ZNF480: variants seen among roughly 807,000 people sequenced by gnomAD.
ZNF480 encodes the protein zinc finger protein 480.
Under a neutral mutation model 14.4 loss-of-function variants are expected in ZNF480, and 15 were observed. The observed-to-expected ratio is 1.04, with a 90% confidence interval of 0.70 to 1.60. ZNF480 has a LOEUF of 1.60. Among genes scored for constraint, ZNF480 ranks in the 40% most tolerant of loss-of-function variants. The probability of loss-of-function intolerance (pLI) is 0.00; values close to 1 mark genes in which losing one functional copy is unlikely to be tolerated. For synonymous variants in ZNF480, 218 were observed against 215.5 expected (o/e 1.01, Z -0.10); for missense variants, 593 against 629.7 (o/e 0.94, Z 0.62).
At chr19:52,300,148 AG>A (rs1982615789) in intron 1 of ZNF480, among the ~76,000 whole-genome samples, 1 of 152,210 alleles carries the variant, frequency 6.6e-6, no homozygotes, top group East Asian at 1.9e-4. Context: ...AGCTTAGACC[AG>A]GCCAGCTCCC....
At chr19:52,313,772 A>G (rs552895741) in intron 2 of ZNF480, 74 of 440,174 alleles carry the variant, frequency 1.7e-4, no homozygotes, top group South Asian at 1.2e-3. Flanking sequence ...TGTGGACAAG[A>G]GTTCAAGACC....
chr19:52,313,403 C>T (rs949498010), intron 2 of ZNF480, among the ~76,000 whole-genome samples: 5 of 148,578 alleles, frequency 3.4e-5, no homozygotes, highest in African/African-American at 1.2e-4. Flanking sequence ...CTCCCAAAGT[C>T]CTGGGATTAC....
intron 4 of ZNF480, among the ~76,000 whole-genome samples, 158 bp from the exon 5 acceptor site, chr19:52,321,421 A>T (rs1400415626): frequency 6.6e-6 from 1 of 151,936 alleles, no homozygotes; most frequent in African/African-American, 2.4e-5. Context: ...GCATCACCTT[A>T]CCCTTTTCTA....
chr19:52,314,435 C>T (rs575147541), intron 3 of ZNF480, among the ~76,000 whole-genome samples, 156 bp downstream of exon 3: 1 of 126,184 alleles, frequency 7.9e-6, no homozygotes, highest in East Asian at 2.3e-4. Flanking sequence ...GCCGAGATCA[C>T]GTCATTGCCA....
Position 52,322,739 on chromosome 19 carries a change from C to T in ZNF480, c.1489C>T (p.His497Tyr), listed in dbSNP as rs1157503057. ...TGGCAAGGTCTTCAATCGAATTGCA[C>T]ACCTTGCACGACATCGGAAAATTCA... ...ECGKVFNRIA[H>Y]LARHRKIHTG... Residue 497 changes from histidine (H) to tyrosine (Y), a missense_variant, in exon 5 of 5, where the codon CAC becomes TAC. By Grantham distance (83) the His-to-Tyr change is moderately conservative. Coordinates refer to ENST00000595962, the MANE Select transcript of ZNF480 (RefSeq NM_144684.4). The T allele has an allele frequency of 3.1e-6, 5 of 1,612,340 alleles. No homozygotes were observed. Among genetic ancestry groups the T allele is most frequent in the African/African-American group, 2.7e-5 (2 of 74,738 alleles).
chr19:52,315,114 A>G (rs983394175), intron 3 of ZNF480, among the ~76,000 whole-genome samples: 2 of 151,948 alleles, frequency 1.3e-5, no homozygotes, highest in African/African-American at 4.8e-5. Flanking sequence ...ACGTGCCACC[A>G]CACCTGGCTA....
intron 2 of ZNF480, chr19:52,300,706 G>A: frequency 1.3e-6 from 1 of 743,400 alleles, no homozygotes; most frequent in South Asian, 2.0e-5. Context: ...GTGTAAAGTG[G>A]GATCAGGGGC....
At chr19:52,320,093 A>G (rs1382190402) in intron 4 of ZNF480, among the ~76,000 whole-genome samples, 15 of 151,946 alleles carry the variant, frequency 9.9e-5, no homozygotes, top group Non-Finnish European at 1.9e-4. Flanking sequence ...TGGGATTACA[A>G]GCGTGAGCCA....
chr19:52,318,582 A>T (rs1308471171), intron 4 of ZNF480, among the ~76,000 whole-genome samples: 1 of 152,062 alleles, frequency 6.6e-6, no homozygotes, highest in Non-Finnish European at 1.5e-5. Flanking sequence ...TATCAATTTT[A>T]TATCTGGGGA....
intron 4 of ZNF480, among the ~76,000 whole-genome samples, chr19:52,316,630 G>A (rs1020832970): frequency 2.6e-5 from 4 of 152,188 alleles, no homozygotes; most frequent in South Asian, 2.1e-4. Flanking sequence ...TCTGATTACC[G>A]GCATGAGCCA....
At chr19:52,306,709 C>G (rs781229471) in intron 2 of ZNF480, among the ~76,000 whole-genome samples, 5 of 152,242 alleles carry the variant, frequency 3.3e-5, no homozygotes, top group Middle Eastern at 3.4e-3. Context: ...GGAAAAGGCT[C>G]AAATGTAGCC....
At chr19:52,316,204 CTT>C in intron 4 of ZNF480, among the ~76,000 whole-genome samples, 1 of 149,916 alleles carries the variant, frequency 6.7e-6, no homozygotes, top group African/African-American at 2.5e-5. Context: ...CTCTTTCTTT[CTT>C]TCTTTCTTTC....
Position 52,322,062 on chromosome 19 carries a change from A to G in ZNF480, c.812A>G (p.Asn271Ser), listed in dbSNP as rs1407455247. ...CNVCGKVFSY[N>S]SNFARHQRIH... Reference sequence around the variant, plus strand: ...GTCTGTGGCAAGGTTTTTAGTTACAATTCAAACTTTGCACGACATCAAAGA... The same window carrying G: ...GTCTGTGGCAAGGTTTTTAGTTACAGTTCAAACTTTGCACGACATCAAAGA... The change falls in exon 5 of 5, where the codon AAT becomes AGT. Residue 271 changes from asparagine to serine, a missense_variant. Transcript: ENST00000595962. The G allele has an allele frequency of 2.5e-6, 4 of 1,613,874 alleles. No individual in the cohort carries two copies. Among genetic ancestry groups the G allele is most frequent in the African/African-American group, 2.7e-5 (2 of 74,918 alleles).
intron 2 of ZNF480, among the ~76,000 whole-genome samples, chr19:52,307,811 A>G (rs1285887646): frequency 4.6e-5 from 7 of 152,164 alleles, no homozygotes; most frequent in African/African-American, 1.2e-4. Flanking sequence ...TACTCATCCT[A>G]TTGTTTGTGG....
intron 3 of ZNF480, 131 bp from the exon 4 acceptor site, chr19:52,315,703 G>A: frequency 1.9e-6 from 2 of 1,055,432 alleles, no homozygotes; most frequent in Non-Finnish European, 2.7e-6. Flanking sequence ...GCATTCAGAA[G>A]GAGGCAGTCT....
chr19:52,313,853 C>A (rs1455173468), intron 2 of ZNF480: 1 of 416,276 alleles, frequency 2.4e-6, no homozygotes, highest in Admixed American at 2.7e-5. Context: ...ATGGTGTGCA[C>A]CTGTAGTCCC....
At chr19:52,308,331 G>A (rs867235152) in intron 2 of ZNF480, among the ~76,000 whole-genome samples, 2 of 131,668 alleles carry the variant, frequency 1.5e-5, no homozygotes, top group African/African-American at 2.8e-5. Context: ...TTTTGAGACC[G>A]AGTCTTGCTC....
At position 52,322,377 on chromosome 19, in the gene ZNF480, G is replaced by T. The variant is rs1184274690; in HGVS notation, c.1127G>T (p.Cys376Phe). The T allele has an allele frequency of 8.1e-6, 13 of 1,613,988 alleles. No individual in the cohort carries two copies. The highest frequency in any genetic ancestry group is 1.1e-5 in the Non-Finnish European group (13 of 1,179,998). ...GAGAAACCTTACAAATGTAATGAAT[G>T]TGGAAAGGTCTTTATTCAAAATTCG... is the stretch of plus-strand genomic sequence containing the variant. ...TGEKPYKCNE[C>F]GKVFIQNSHL... Residue 376 changes from cysteine to phenylalanine, a missense_variant, in exon 5 of 5, where the codon TGT (cysteine) becomes TTT (phenylalanine). Cys to Phe is a radical substitution (Grantham distance 205). Coordinates refer to ENST00000595962, the MANE Select transcript of ZNF480 (RefSeq NM_144684.4).
At position 52,322,420 on chromosome 19, in the gene ZNF480, G is replaced by A. The variant is rs1451329309; in HGVS notation, c.1170G>A (p.Trp390Ter). ...AAAATTCGCACCTAGCACAACATTG[G>A]AGAATTCATACAGGAGAGAAACCTT... ...FIQNSHLAQH[W>*]RIHTGEKPYK... Residue 390 changes from tryptophan to a stop codon, truncating the protein, a stop_gained, in exon 5 of 5, where the codon TGG (tryptophan) becomes TGA (stop). Transcript: ENST00000595962. LOFTEE classifies it low-confidence loss of function (END_TRUNC). The A allele has an allele frequency of 6.2e-7, 1 of 1,613,420 alleles. No homozygotes were observed. Among genetic ancestry groups the A allele is most frequent in the African/African-American group, 1.3e-5 (1 of 74,736 alleles).
Sources: allele counts gnomAD v4.1 joint callset (sites outside exome capture counted in the v4.1 genomes callset), GRCh38; gene constraint gnomAD v4.1.1; transcripts MANE v1.5; gene names NCBI Gene and HGNC (gene_info 2026-07-23, HGNC 2026-07-21).